ZNF727: variants seen among roughly 807,000 people sequenced by gnomAD.
ZNF727 encodes the protein zinc finger protein 727, also known as putative zinc finger protein 727.
ZNF727 carries 11 observed loss-of-function variants against 11.5 expected under a neutral mutation model. The ratio of observed to expected loss-of-function variants is 0.95; its 90% confidence interval spans 0.60 to 1.58. The LOEUF (loss-of-function observed/expected upper bound fraction) is 1.58. Among genes scored for constraint, ZNF727 ranks in the 40% most tolerant of loss-of-function variants. The pLI is 0.00. For missense variants in ZNF727, 533 were observed against 581.7 expected, an observed-to-expected ratio of 0.92 and a Z score of 0.86; for synonymous variants, 171 against 196.1, an observed-to-expected ratio of 0.87 and a Z score of 1.07.
rs118074065 is a variant in ZNF727, at chr7:64,076,561, T to C, written c.227-715T>C. Reference sequence around the variant, plus strand: ...TGGAGGTTGGATTGCACCACTGCACTCCAGTCTGGGCGACAGAGAGAGAAT... The same window carrying C: ...TGGAGGTTGGATTGCACCACTGCACCCCAGTCTGGGCGACAGAGAGAGAAT... On this transcript the variant is annotated intron_variant, in intron 3 of 3. Coordinates refer to ENST00000456806, the MANE Select transcript of ZNF727 (RefSeq NM_001159522.3). 3.9e-5 allele frequency among the ~76,000 whole-genome samples: 6 copies of C among 152,150 alleles called. No individual in the cohort carries two copies. The East Asian group carries it at 1.2e-3, about 29-fold the overall frequency.
At position 64,077,525 on chromosome 7, in the gene ZNF727, T is replaced by A; in HGVS notation, c.476T>A (p.Ile159Asn). ...KCGKAFGLCS[I>N]FTEHKKIFSR... is the part of the protein sequence containing the mutation. The stretch of plus-strand genomic sequence containing the variant: ...GGCAAAGCTTTTGGGTTGTGCTCAA[T>A]CTTCACTGAACATAAGAAAATTTTT... The change falls in exon 4 of 4, where the codon ATC (isoleucine) becomes AAC (asparagine). Residue 159 changes from isoleucine to asparagine, a missense_variant. Ile to Asn is a moderately radical substitution (Grantham distance 149). Around this residue, in one of 3 missense-constraint regions of ZNF727, gnomAD observed 463 missense variants for 494.5 expected, o/e 0.94. Transcript: ENST00000456806. 3 of 1,551,444 alleles carry A rather than the reference T, an allele frequency of 1.9e-6. No homozygotes were observed. The highest frequency in any genetic ancestry group is 2.6e-6 in the Non-Finnish European group (3 of 1,146,794).
In ZNF727 at chr7:64,084,704, T is replaced by G. The variant is rs540105869; in HGVS notation, c.*6155T>G. Among the ~76,000 whole-genome samples, 7 of 152,180 alleles carry G rather than the reference T, an allele frequency of 4.6e-5. No homozygotes were observed. The South Asian group carries it at 1.4e-3, about 32-fold the overall frequency. ...ACTTTTTTCTGTTGAAAATATGACT[T>G]CTCTCGTCTGCTAAACACGTACAGA... On this transcript the variant is annotated 3_prime_UTR_variant, in exon 4 of 4. Coordinates refer to ENST00000456806, the MANE Select transcript of ZNF727 (RefSeq NM_001159522.3).
At position 64,055,018 on chromosome 7, in the gene ZNF727, C is replaced by T. The variant is rs1309733049; in HGVS notation, c.3+9394C>T. 2.0e-5 allele frequency among the ~76,000 whole-genome samples: 3 copies of T among 151,976 alleles called. No homozygotes were observed. The East Asian group carries it at 5.8e-4, about 29-fold the overall frequency. ...TGTAGCTTTGGTAATGTCATCTTTT[C>T]CCCCTCATTATATTTGCTAAATTTT... On this transcript the variant is annotated intron_variant, in intron 1 of 3. Coordinates refer to ENST00000456806, the MANE Select transcript of ZNF727 (RefSeq NM_001159522.3).
intron 1 of ZNF727, among the ~76,000 whole-genome samples, chr7:64,055,756 A>G (rs955229562): frequency 1.3e-5 from 2 of 152,232 alleles, no homozygotes; most frequent in African/African-American, 4.8e-5. Flanking sequence ...TTGTTTATTC[A>G]TTGCTGAAGA....
chr7:64,069,199 C>G (rs1228614803), intron 2 of ZNF727, among the ~76,000 whole-genome samples, 182 bp downstream of exon 2: 1 of 151,700 alleles, frequency 6.6e-6, no homozygotes, highest in African/African-American at 2.4e-5. Context: ...ATTAATCTTT[C>G]CCTTTTTTGA....
chr7:64,048,781 A>G (rs2116263697), intron 1 of ZNF727, among the ~76,000 whole-genome samples: 1 of 152,348 alleles, frequency 6.6e-6, no homozygotes, highest in Non-Finnish European at 1.5e-5. Flanking sequence ...TCATATGTTC[A>G]TGGGAAGTGA....
In ZNF727 at chr7:64,054,287, G is replaced by A. The variant is rs141892630; in HGVS notation, c.3+8663G>A. Among the ~76,000 whole-genome samples the A allele has an allele frequency of 2.4e-3, 358 of 152,272 alleles. 1 individual carries two copies. Among genetic ancestry groups the A allele is most frequent in the African/African-American group, 7.9e-3 (330 of 41,554 alleles). On this transcript the variant is annotated intron_variant, in intron 1 of 3. Transcript: ENST00000456806. ...GTCTTCAAAAGGAGAGAAAGATGAG[G>A]TTGCTTAGAACCTCAGGAATTAAAC...
chr7:64,047,798 T>G (rs1462409747), intron 1 of ZNF727, among the ~76,000 whole-genome samples: 7 of 152,236 alleles, frequency 4.6e-5, no homozygotes, highest in Admixed American at 4.6e-4. Context: ...ACATTGGTGC[T>G]CAACCAATCA....
chr7:64,057,376 G>A (rs565214229), intron 1 of ZNF727, among the ~76,000 whole-genome samples: 27 of 152,308 alleles, frequency 1.8e-4, no homozygotes, highest in South Asian at 1.2e-3. Flanking sequence ...CCATGCAGCC[G>A]TAAGAAGGAA....
In ZNF727 at chr7:64,069,545, C is replaced by T. The variant is rs1435132315; in HGVS notation, c.162C>T (p.Thr54=). The T allele has an allele frequency of 1.9e-6, 3 of 1,560,846 alleles. No individual in the cohort carries two copies. Among genetic ancestry groups the T allele is most frequent in the Non-Finnish European group, 2.6e-6 (3 of 1,151,778 alleles). Residue 54 remains threonine (T), a synonymous_variant, in exon 3 of 4, where the codon ACC becomes ACT. Coordinates refer to ENST00000456806, the MANE Select transcript of ZNF727 (RefSeq NM_001159522.3). ...CTATCTTTAAGCCAGACTTGATTAC[C>T]TATCTGGAGCAAAGAAAAGAGCCTT... ...GLAIFKPDLI[T]YLEQRKEPWN...
rs1172395597 is a variant in ZNF727 at position 64,082,160 on chromosome 7, G to A, written c.*3611G>A. Among the ~76,000 whole-genome samples, 1 of 152,096 alleles carries A rather than the reference G, an allele frequency of 6.6e-6. No individual in the cohort carries two copies. Among genetic ancestry groups the A allele is most frequent in the East Asian group, 1.9e-4 (1 of 5,160 alleles). On this transcript the variant is annotated 3_prime_UTR_variant, in exon 4 of 4. Coordinates refer to ENST00000456806, the MANE Select transcript of ZNF727 (RefSeq NM_001159522.3). ...GTAGCAAGGACAGTTCTACTGCAGA[G>A]GCAATGGCAAAAATATTTTCAGTTG...
Position 64,045,595 on chromosome 7 carries a change from G to A in ZNF727, c.-27G>A. 2 of 1,554,950 alleles carry A rather than the reference G, an allele frequency of 1.3e-6. No individual in the cohort carries two copies. The highest frequency in any genetic ancestry group is 1.7e-4 in the Middle Eastern group (1 of 5,998). On this transcript the variant is annotated 5_prime_UTR_variant, in exon 1 of 4. Coordinates refer to ENST00000456806, the MANE Select transcript of ZNF727 (RefSeq NM_001159522.3). ...CAGGTACTGGGAGATCCATAGGGAA[G>A]AAGGCGGAACATCCGGAGGCTGGGA...
rs1479787580 is a variant in ZNF727, at chr7:64,080,038, T to C, written c.*1489T>C. ...TGCAAGGTTCATTGTTGTCTGAGCT[T>C]CTTTTTAGAGGTGACCTGGTCTTTC... On this transcript the variant is annotated 3_prime_UTR_variant, in exon 4 of 4. Coordinates refer to ENST00000456806, the MANE Select transcript of ZNF727 (RefSeq NM_001159522.3). Among the ~76,000 whole-genome samples, 1 of 152,282 alleles carries C rather than the reference T, an allele frequency of 6.6e-6. No individual in the cohort carries two copies. The highest frequency in any genetic ancestry group is 1.9e-4 in the East Asian group (1 of 5,184).
intron 1 of ZNF727, among the ~76,000 whole-genome samples, chr7:64,045,900 G>C (rs1273190472): frequency 6.6e-6 from 1 of 152,228 alleles, no homozygotes; most frequent in Non-Finnish European, 1.5e-5. Context: ...CCTCCAGATT[G>C]TGCGGGGACG....
chr7:64,085,048 T>C lies in ZNF727; in HGVS notation c.*6499T>C, dbSNP rs1176722749. ...TTTTTTTGTTTGTTTGTCTGTTTTC[T>C]TGTTGTTCACCATAGGCATAATATA... is the stretch of plus-strand genomic sequence containing the variant. On this transcript the variant is annotated 3_prime_UTR_variant, in exon 4 of 4. Transcript: ENST00000456806. Among the ~76,000 whole-genome samples, 1 of 152,168 alleles carries C rather than the reference T, an allele frequency of 6.6e-6. No homozygotes were observed. The highest frequency in any genetic ancestry group is 6.5e-5 in the Admixed American group (1 of 15,280).
rs1294196899 is a variant in ZNF727 at position 64,082,516 on chromosome 7, G to A, written c.*3967G>A. Reference sequence around the variant, plus strand: ...TTCCAGCCCCAAAGCAACTGTAGGAGGTAGCTGGAAACCCCTGTTGAAAGG... The same window carrying A: ...TTCCAGCCCCAAAGCAACTGTAGGAAGTAGCTGGAAACCCCTGTTGAAAGG... On this transcript the variant is annotated 3_prime_UTR_variant, in exon 4 of 4. Transcript: ENST00000456806. Among the ~76,000 whole-genome samples the A allele has an allele frequency of 6.6e-6, 1 of 152,216 alleles. No homozygotes were observed. Among genetic ancestry groups the A allele is most frequent in the Non-Finnish European group, 1.5e-5 (1 of 68,048 alleles).
In ZNF727 at chr7:64,078,003, A is replaced by G. The variant is rs1443488708; in HGVS notation, c.954A>G (p.Gly318=). The change falls in exon 4 of 4, where the codon GGA becomes GGG. Residue 318 remains glycine, a synonymous_variant. Transcript: ENST00000456806. ...AACCCTACAAATGTAATGAATGTGGAAAAGCTTTTATGTGGATCTCGGCCC... is the reference window on the plus strand; with the variant it reads ...AACCCTACAAATGTAATGAATGTGGGAAAGCTTTTATGTGGATCTCGGCCC... The part of the protein sequence containing the change: ...GEKPYKCNEC[G]KAFMWISALS... 3 of 1,604,748 alleles carry G rather than the reference A, an allele frequency of 1.9e-6. No homozygotes were observed. Among genetic ancestry groups the G allele is most frequent in the South Asian group, 1.1e-5 (1 of 90,054 alleles).
At chr7:64,053,441 C>T (rs952494144) in intron 1 of ZNF727, among the ~76,000 whole-genome samples, 1 of 152,134 alleles carries the variant, frequency 6.6e-6, no homozygotes, top group Non-Finnish European at 1.5e-5. Flanking sequence ...CTGCCTCAGC[C>T]TCCTGAGTAG....
At chr7:64,068,758 G>A in intron 1 of ZNF727, 133 bp from the exon 2 acceptor site, 1 of 1,072,314 alleles carries the variant, frequency 9.3e-7, no homozygotes, top group Non-Finnish European at 1.3e-6. Context: ...ATATTTCTGT[G>A]CTAGAAAGTA....
Sources: gnomAD v4.1 joint callset for allele counts (sites outside exome capture counted in the v4.1 genomes callset) on GRCh38, gnomAD v4.1.1 for gene constraint, gnomAD v4.1.1 regional missense constraint, MANE v1.5 for transcripts, NCBI Gene and HGNC (gene_info 2026-07-23, HGNC 2026-07-21) for gene names.